C4orf50: variants seen among roughly 807,000 people sequenced by gnomAD.
C4orf50 encodes the protein uncharacterized protein C4orf50.
C4orf50 carries 80 observed loss-of-function variants against 77.2 expected under a neutral mutation model. The observed-to-expected ratio is 1.04, with a 90% CI of 0.87 to 1.25. C4orf50 has a LOEUF of 1.25. Ranked by LOEUF, C4orf50 falls within the 50% of genes most tolerant of loss-of-function variation. The pLI is 0.00. For missense variants in C4orf50, 1,257 were observed against 1,152.9 expected (o/e 1.09, Z -1.31); for synonymous variants, 532 against 465.3 (o/e 1.14, Z -1.84).
At chr4:6,005,571 T>C (rs551873639) in intron 25 of C4orf50, among the ~76,000 whole-genome samples, 1 of 152,302 alleles carries the variant, frequency 6.6e-6, no homozygotes, top group South Asian at 2.1e-4. Context: ...TCTGGCCATG[T>C]CCTCTTGCTG....
At position 5,970,263 on chromosome 4, in the gene C4orf50, G is replaced by A. The variant is rs115524906; in HGVS notation, c.4105-2801C>T. ...ACTCAAGGCGTCCAGGGGACAAGGC[G>A]GAATTAAGAACTCTAGAGAGGTTTT... On this transcript the variant is annotated intron_variant, in intron 31 of 33. Transcript: ENST00000531445. The surrounding 1 kb of genome is among the most constrained non-coding windows in gnomAD (Gnocchi z 4.3). Among the ~76,000 whole-genome samples, 25 of 152,220 alleles carry A rather than the reference G, an allele frequency of 1.6e-4. No individual in the cohort carries two copies. Among genetic ancestry groups the A allele is most frequent in the Admixed American group, 4.6e-4 (7 of 15,294 alleles).
intron 25 of C4orf50, among the ~76,000 whole-genome samples, chr4:6,004,253 G>T (rs199748679): frequency 2.4e-5 from 1 of 42,524 alleles, no homozygotes; most frequent in African/African-American, 8.7e-5. Flanking sequence ...GGTGATGATG[G>T]TGATGGTGAT....
intron 33 of C4orf50, among the ~76,000 whole-genome samples, chr4:5,963,161 G>T (rs1577937514): frequency 6.6e-6 from 1 of 151,866 alleles, no homozygotes; most frequent in African/African-American, 2.4e-5. Flanking sequence ...ACCATACCCA[G>T]CTAATTTTTA....
chr4:5,973,932 C>T, intron 30 of C4orf50, 91 bp from the exon 9 acceptor site: 1 of 1,035,078 alleles, frequency 9.7e-7, no homozygotes, highest in Non-Finnish European at 1.4e-6. Flanking sequence ...AGCTGAGGCC[C>T]CTACTCACCA....
At chr4:5,951,947 A>T (rs1008770169) in intron 7 of C4orf50, among the ~76,000 whole-genome samples, 10 of 152,040 alleles carry the variant, frequency 6.6e-5, no homozygotes, top group African/African-American at 2.4e-4. Context: ...TACCCCCTCT[A>T]CTCCCAAAGC....
At chr4:6,002,250 T>A (rs2108801601) in intron 25 of C4orf50, among the ~76,000 whole-genome samples, 1 of 152,212 alleles carries the variant, frequency 6.6e-6, no homozygotes, top group South Asian at 2.1e-4. Flanking sequence ...GAGTGATGCG[T>A]CTGCAAGTCA....
rs374566780 is a variant in C4orf50 at position 5,973,521 on chromosome 4, A to G, written c.4104+138T>C. 267 of 733,250 alleles carry G rather than the reference A, an allele frequency of 3.6e-4. 2 individuals carry two copies. Among genetic ancestry groups the G allele is most frequent in the African/African-American group, 3.1e-3 (174 of 56,744 alleles). 45.4% of individuals were successfully genotyped at this position (733,250 alleles called of 1,614,324 possible). A position where few individuals can be genotyped will look rare whatever the true frequency, so the allele number is the denominator to read the frequency against. On this transcript the variant is annotated intron_variant, in intron 31 of 33. Coordinates refer to ENST00000531445, the Ensembl canonical transcript of C4orf50. Reference sequence around the variant, plus strand: ...TGGGCATGGGCACAGAGGAAAAGCCAGGGGGTGTCTTCTTGGGTAGTGTCC... The same window carrying G: ...TGGGCATGGGCACAGAGGAAAAGCCGGGGGGTGTCTTCTTGGGTAGTGTCC...
chr4:5,976,002 A>G, intron 29 of C4orf50, 47 bp from the exon 8 acceptor site: 2 of 1,511,740 alleles, frequency 1.3e-6, no homozygotes, highest in Admixed American at 1.7e-5. Flanking sequence ...GTCACTTACC[A>G]CTGTCCAGAG....
chr4:5,933,787 C>A (rs1717873588), intron 7 of C4orf50, among the ~76,000 whole-genome samples: 2 of 152,180 alleles, frequency 1.3e-5, no homozygotes, highest in African/African-American at 4.8e-5. Context: ...AAGACCTGCA[C>A]TGACGCACCC....
chr4:6,018,284 G>A lies in C4orf50; in HGVS notation c.148C>T (p.Arg50Trp), dbSNP rs114769722. Residue 50 changes from arginine (R) to tryptophan (W), a missense_variant, in exon 23 of 34, where the codon CGG becomes TGG. Transcript: ENST00000531445. This position sits in a 1 kb window ranked among gnomAD's most constrained non-coding sequence, Gnocchi z 5.1. ...GCTGCTTCTTCCTGAAGACATTCCCGCTCCTCAGCACTATCTTCCATGTCC... is the reference window on the plus strand; with the variant it reads ...GCTGCTTCTTCCTGAAGACATTCCCACTCCTCAGCACTATCTTCCATGTCC... 4.8e-5 allele frequency: 19 copies of A among 398,916 alleles called. No individual in the cohort carries two copies. Among genetic ancestry groups the A allele is most frequent in the South Asian group, 1.3e-4 (1 of 7,844 alleles). The allele number at this position is 398,916 out of a possible 1,614,324, so 24.7% of individuals were successfully genotyped here.
intron 7 of C4orf50, chr4:5,904,074 C>G (rs912491622): frequency 6.6e-6 from 1 of 152,222 alleles, no homozygotes; most frequent in African/African-American, 2.4e-5. Context: ...ACCACCAGAT[C>G]TGACTTCCAG....
chr4:5,954,183 G>T (rs1200752730), downstream of C4orf50, among the ~76,000 whole-genome samples: 1 of 152,122 alleles, frequency 6.6e-6, no homozygotes, highest in Non-Finnish European at 1.5e-5. The surrounding 1 kb of genome is among the most constrained non-coding windows in gnomAD (Gnocchi z 4.7). Flanking sequence ...TGGACTATCA[G>T]TGACAACGGG....
In C4orf50 at chr4:5,905,688, C is replaced by T. The variant is rs1381902678; in HGVS notation, c.*2475-7500G>A. ...CTCTCTTTATTTGGGGTGCTTCAGACCCTTGACATGATATGGAAATTTTAT... is the reference window on the plus strand; with the variant it reads ...CTCTCTTTATTTGGGGTGCTTCAGATCCTTGACATGATATGGAAATTTTAT... On this transcript the variant is annotated intron_variant, in intron 7 of 7. Coordinates refer to the C4orf50 transcript ENST00000324058. The surrounding 1 kb of genome is among the most constrained non-coding windows in gnomAD (Gnocchi z 5.4). 6.6e-6 allele frequency among the ~76,000 whole-genome samples: 1 copy of T among 152,200 alleles called. No homozygotes were observed. The highest frequency in any genetic ancestry group is 1.5e-5 in the Non-Finnish European group (1 of 68,044).
chr4:5,957,235 G>A (rs1314617107), exon 34 of C4orf50: 1 of 152,256 alleles, frequency 6.6e-6, no homozygotes, highest in African/African-American at 2.4e-5. Flanking sequence ...GCGGCAGAGG[G>A]GAGCATGAAG....
rs1717052119 is a variant in C4orf50 at position 5,916,894 on chromosome 4, T to TG, written c.*2475-18707dup. ...ACTGCAGCTGAGAGCAGAGGCAGGC[T>TG]GGGGACAGTGCCATCGGGCCCAAAC... On this transcript the variant is annotated intron_variant, in intron 7 of 7. Coordinates refer to the C4orf50 transcript ENST00000324058. This position sits in a 1 kb window ranked among gnomAD's most constrained non-coding sequence, Gnocchi z 4.4. Among the ~76,000 whole-genome samples the TG allele has an allele frequency of 6.6e-6, 1 of 152,124 alleles. No homozygotes were observed. Among genetic ancestry groups the TG allele is most frequent in the African/African-American group, 2.4e-5 (1 of 41,424 alleles).
In C4orf50 at chr4:5,992,337, G is replaced by A. The variant is rs73212656; in HGVS notation, c.1221+466C>T. Among the ~76,000 whole-genome samples, 14,221 of 152,166 alleles carry A rather than the reference G, an allele frequency of 0.093. 809 individuals are homozygous for A. Among genetic ancestry groups the A allele is most frequent in the African/African-American group, 0.15 (6,403 of 41,492 alleles). On this transcript the variant is annotated intron_variant, in intron 27 of 33. Coordinates refer to ENST00000531445, the Ensembl canonical transcript of C4orf50. This position sits in a 1 kb window ranked among gnomAD's most constrained non-coding sequence, Gnocchi z 5.0. Reference sequence around the variant, plus strand: ...ATGGAAGTGGAGAAAGGTTACGACTGCCTCAGCCTCAGAGCGAGCCATGGG... The same window carrying A: ...ATGGAAGTGGAGAAAGGTTACGACTACCTCAGCCTCAGAGCGAGCCATGGG...
intron 7 of C4orf50, among the ~76,000 whole-genome samples, chr4:5,945,968 A>G (rs937175585): frequency 4.6e-5 from 7 of 152,170 alleles, no homozygotes; most frequent in African/African-American, 1.7e-4. Flanking sequence ...TGGGAGGCAC[A>G]AGGAGAAGGC....
intron 7 of C4orf50, among the ~76,000 whole-genome samples, chr4:5,936,730 A>T (rs188523614): frequency 6.6e-6 from 1 of 152,118 alleles, no homozygotes; most frequent in African/African-American, 2.4e-5. Flanking sequence ...ATATAACAGA[A>T]TTTTTCAGAA....
chr4:5,932,592 C>A lies in C4orf50; in HGVS notation c.*2474+24309G>T, dbSNP rs1222503859. On this transcript the variant is annotated intron_variant, in intron 7 of 7. Coordinates refer to the C4orf50 transcript ENST00000324058. The surrounding 1 kb of genome is among the most constrained non-coding windows in gnomAD (Gnocchi z 4.2). ...CTGCAACTACAGGTGCATGCAACCA[C>A]GCCCAGCTAATTTTTATTTTTTAAT... is the stretch of plus-strand genomic sequence containing the variant. 2.0e-5 allele frequency among the ~76,000 whole-genome samples: 3 copies of A among 152,186 alleles called. No homozygotes were observed. The highest frequency in any genetic ancestry group is 2.0e-4 in the Admixed American group (3 of 15,288).
Sources: allele counts gnomAD v4.1 joint callset (sites outside exome capture counted in the v4.1 genomes callset), GRCh38; gene constraint gnomAD v4.1.1; non-coding constraint Gnocchi (gnomAD v3.1); transcripts MANE v1.5; gene names NCBI Gene and HGNC (gene_info 2026-07-23, HGNC 2026-07-21).